The following RNASEH2C variants were observed in gnomAD, a reference collection of about 807,000 sequenced individuals.
RNASEH2C encodes RNase H1 small subunit.
In RNASEH2C, 20 loss-of-function variants were observed where a neutral mutation model predicts 16.3. The observed-to-expected ratio is 1.23, with a 90% CI of 0.86 to 1.79. The LOEUF is 1.79. Among genes scored for constraint, RNASEH2C ranks in the 40% most tolerant of loss-of-function variants. The probability of loss-of-function intolerance (pLI) is 0.00; values close to 1 mark genes in which losing one functional copy is unlikely to be tolerated. For missense variants in RNASEH2C, 296 were observed against 235.9 expected (o/e 1.25, Z -1.67); for synonymous variants, 106 against 98.9 (o/e 1.07, Z -0.43).
rs148186114 is a variant in RNASEH2C at position 65,720,298 on chromosome 11, G to C, written c.292C>G (p.Pro98Ala). Reference sequence around the variant, plus strand: ...TCGTCAGTCCCGGAATCCCGCAAGGGGTCTGGCTTCCCCATCGACACCTTC... The same window carrying C: ...TCGTCAGTCCCGGAATCCCGCAAGGCGTCTGGCTTCCCCATCGACACCTTC... The part of the protein sequence containing the change: ...EKKVSMGKPD[P>A]LRDSGTDDQE... The change falls in exon 2 of 4, where the codon CCC becomes GCC. Residue 98 changes from proline (P) to alanine (A), a missense_variant. Transcript: ENST00000308418. 2.0e-5 allele frequency: 33 copies of C among 1,614,092 alleles called. No homozygotes were observed. Among genetic ancestry groups the C allele is most frequent in the South Asian group, 1.1e-4 (10 of 91,092 alleles).
In RNASEH2C at chr11:65,720,569, T is replaced by G; in HGVS notation, c.172+18A>C. 1.3e-6 allele frequency: 2 copies of G among 1,519,340 alleles called. No homozygotes were observed. Among genetic ancestry groups the G allele is most frequent in the East Asian group, 4.9e-5 (2 of 40,760 alleles). The allele number at this position is 1,519,340 out of a possible 1,614,324, so 94.1% of individuals were successfully genotyped here. On this transcript the variant is annotated intron_variant, in intron 1 of 3. Coordinates refer to ENST00000308418, the MANE Select transcript of RNASEH2C (RefSeq NM_032193.4). ...GCGCGGGGGCTGCCGGGAGCCGTAG[T>G]CCGGCCGCAGGGCTCACCCTCGGGG...
chr11:65,720,237 C>G lies in RNASEH2C; in HGVS notation c.348+5G>C. Reference sequence around the variant, plus strand: ...ACCCCCTTTCAACCCTATCCCTTTGCTCACGAAGTCCCGCTCCAGCGGCTC... The same window carrying G: ...ACCCCCTTTCAACCCTATCCCTTTGGTCACGAAGTCCCGCTCCAGCGGCTC... On this transcript the variant is annotated splice_donor_5th_base_variant and intron_variant, in intron 2 of 3. Transcript: ENST00000308418. 6.2e-7 allele frequency: 1 copy of G among 1,614,248 alleles called. No homozygotes were observed. Among genetic ancestry groups the G allele is most frequent in the Non-Finnish European group, 8.5e-7 (1 of 1,180,038 alleles).
In RNASEH2C at chr11:65,718,713, A is replaced by C. The variant is rs1438165866; in HGVS notation, c.*1070T>G. On this transcript the variant is annotated 3_prime_UTR_variant, in exon 4 of 4. Transcript: ENST00000308418. ...ATCCTGGAGATCCTGATGGGGCTGA[A>C]GTCGGAGAGCGGGGAGAGGCCACAG... 3 of 1,614,030 alleles carry C rather than the reference A, an allele frequency of 1.9e-6. No individual in the cohort carries two copies. The highest frequency in any genetic ancestry group is 2.5e-6 in the Non-Finnish European group (3 of 1,180,022).
rs759651650 is a variant in RNASEH2C, at chr11:65,720,654, C to G, written c.105G>C (p.Glu35Asp). The change falls in exon 1 of 4, where the codon GAG becomes GAC. Residue 35 changes from glutamate (E) to aspartate (D), a missense_variant. Physicochemically the swap from Glu to Asp is conservative, Grantham distance 45 (BLOSUM62 2). Coordinates refer to ENST00000308418, the MANE Select transcript of RNASEH2C (RefSeq NM_032193.4). ...VPATLHLLPC[E>D]VAVDGPAPVG... ...CCGGGGCGGGCCCGTCCACCGCAAC[C>G]TCGCAGGGCAGCAGATGCAGTGTGG... 2 of 1,584,996 alleles carry G rather than the reference C, an allele frequency of 1.3e-6. No individual in the cohort carries two copies. Among genetic ancestry groups the G allele is most frequent in the South Asian group, 2.3e-5 (2 of 87,670 alleles).
chr11:65,718,869 A>G lies in RNASEH2C; in HGVS notation c.*914T>C. The G allele has an allele frequency of 6.2e-7, 1 of 1,614,144 alleles. No homozygotes were observed. The highest frequency in any genetic ancestry group is 8.5e-7 in the Non-Finnish European group (1 of 1,180,000). ...CAGGGAACCTGACCTGTGCTCTCCCACAGTGAGATTAGTGAAATCACCAGC... is the reference window on the plus strand; with the variant it reads ...CAGGGAACCTGACCTGTGCTCTCCCGCAGTGAGATTAGTGAAATCACCAGC... On this transcript the variant is annotated 3_prime_UTR_variant, in exon 4 of 4. Transcript: ENST00000308418.
In RNASEH2C at chr11:65,718,431, C is replaced by T; in HGVS notation, c.*1352G>A. 1.4e-6 allele frequency: 1 copy of T among 722,172 alleles called. No homozygotes were observed. The highest frequency in any genetic ancestry group is 2.5e-5 in the East Asian group (1 of 40,394). 44.7% of individuals were successfully genotyped at this position (722,172 alleles called of 1,614,324 possible). ...GGAAAGAGTGAATACTCAGTTCTTC[C>T]TGAGGGAACTGAGGCACAGAGAAGT... On this transcript the variant is annotated 3_prime_UTR_variant, in exon 4 of 4. Transcript: ENST00000308418.
At chr11:65,719,895 A>G (rs1409302782) in intron 3 of RNASEH2C, 86 bp from the exon 4 acceptor site, 4 of 1,604,524 alleles carry the variant, frequency 2.5e-6, no homozygotes, top group Non-Finnish European at 3.4e-6. Flanking sequence ...CCAGCTGTTC[A>G]GAATAACCGC....
At chr11:65,720,198 C>A (rs146641518) in intron 2 of RNASEH2C, 34 bp from the exon 3 acceptor site, 20 of 1,614,256 alleles carry the variant, frequency 1.2e-5, no homozygotes, top group Non-Finnish European at 1.6e-5. Flanking sequence ...ATCGGGACTA[C>A]AGCTCCCGCC....
At position 65,720,759 on chromosome 11, in the gene RNASEH2C, C is replaced by A. The variant is rs1857363829; in HGVS notation, c.-1G>T. The stretch of plus-strand genomic sequence containing the variant: ...TGGCCGCTTCGTCGCCGCTCTCCAT[C>A]CTCCCTCCTACGCGACGCCAGGGCT... On this transcript the variant is annotated 5_prime_UTR_variant, in exon 1 of 4. Coordinates refer to ENST00000308418, the MANE Select transcript of RNASEH2C (RefSeq NM_032193.4). 11 of 1,588,050 alleles carry A rather than the reference C, an allele frequency of 6.9e-6. No homozygotes were observed. Among genetic ancestry groups the A allele is most frequent in the Non-Finnish European group, 9.4e-6 (11 of 1,173,142 alleles).
Position 65,719,679 on chromosome 11 carries a change from A to T in RNASEH2C, c.*104T>A. The T allele has an allele frequency of 1.6e-6, 2 of 1,276,766 alleles. No homozygotes were observed. Among genetic ancestry groups the T allele is most frequent in the East Asian group, 2.3e-5 (1 of 43,324 alleles). The allele number at this position is 1,276,766 out of a possible 1,614,324, so 79.1% of individuals were successfully genotyped here. On this transcript the variant is annotated 3_prime_UTR_variant, in exon 4 of 4. Coordinates refer to ENST00000308418, the MANE Select transcript of RNASEH2C (RefSeq NM_032193.4). Reference sequence around the variant, plus strand: ...TAGGGGCTCTAAGGCGCCCAGACTCACAGGTGCTGTGAAGAGCTCCTTTAT... The same window carrying T: ...TAGGGGCTCTAAGGCGCCCAGACTCTCAGGTGCTGTGAAGAGCTCCTTTAT...
Position 65,718,265 on chromosome 11 carries a change from A to G in RNASEH2C, c.*1518T>C, listed in dbSNP as rs1857272697. On this transcript the variant is annotated 3_prime_UTR_variant, in exon 4 of 4. Coordinates refer to ENST00000308418, the MANE Select transcript of RNASEH2C (RefSeq NM_032193.4). ...GACACAGAGCCCGGGATGGCAAAGG[A>G]AAATTGGAGGCCCCTTCTTCCCATG... The G allele has an allele frequency of 8.1e-6, 2 of 247,938 alleles. No individual in the cohort carries two copies. Among genetic ancestry groups the G allele is most frequent in the East Asian group, 8.3e-5 (1 of 12,056 alleles). The allele number at this position is 247,938 out of a possible 1,614,324, so 15.4% of individuals were successfully genotyped here.
At chr11:65,719,889 CTG>C in intron 3 of RNASEH2C, 80 bp from the exon 4 acceptor site, 10 of 1,606,386 alleles carry the variant, frequency 6.2e-6, no homozygotes, top group Non-Finnish European at 6.8e-6. Flanking sequence ...AAGGACCCAG[CTG>C]TTCAGAATAA....
Position 65,718,755 on chromosome 11 carries a change from C to T in RNASEH2C, c.*1028G>A, listed in dbSNP as rs768861396. ...AGGCCACAGATCACCATCAAGTGAG[C>T]CTGGCGCTGTCTACCTGGGGGTACA... On this transcript the variant is annotated 3_prime_UTR_variant, in exon 4 of 4. Transcript: ENST00000308418. The T allele has an allele frequency of 3.0e-5, 49 of 1,614,096 alleles. No individual in the cohort carries two copies. Among genetic ancestry groups the T allele is most frequent in the Non-Finnish European group, 4.0e-5 (47 of 1,179,996 alleles).
Position 65,719,808 on chromosome 11 carries a change from A to T in RNASEH2C, c.470T>A (p.Ile157Asn). 1 of 1,614,138 alleles carries T rather than the reference A, an allele frequency of 6.2e-7. No homozygotes were observed. Among genetic ancestry groups the T allele is most frequent in the Non-Finnish European group, 8.5e-7 (1 of 1,180,000 alleles). ...ALTWPSLAAA[I>N]HAQVPED is the part of the protein sequence containing the mutation. ...TCAGTCCTCGGGCACCTGTGCGTGA[A>T]TCTGCAACAGGAGTCGCCTCTACTG... Residue 157 changes from isoleucine (I) to asparagine (N), a missense_variant and splice_region_variant, in exon 4 of 4, where the codon ATT becomes AAT. By Grantham distance (149) the Ile-to-Asn change is moderately radical. Transcript: ENST00000308418.
rs1857350252 is a variant in RNASEH2C at position 65,720,278 on chromosome 11, A to G, written c.312T>C (p.Thr104=). The G allele has an allele frequency of 1.2e-6, 2 of 1,614,226 alleles. No homozygotes were observed. The highest frequency in any genetic ancestry group is 1.7e-6 in the Non-Finnish European group (2 of 1,180,038). The change falls in exon 2 of 4, where the codon ACT becomes ACC. Residue 104 remains threonine, a synonymous_variant. Transcript: ENST00000308418. ...CCAGCGGCTCCTCCTCTTGGTCGTCAGTCCCGGAATCCCGCAAGGGGTCTG... is the reference window on the plus strand; with the variant it reads ...CCAGCGGCTCCTCCTCTTGGTCGTCGGTCCCGGAATCCCGCAAGGGGTCTG... ...GKPDPLRDSG[T]DDQEEEPLER...
chr11:65,719,925 A>G (rs1458426153), intron 3 of RNASEH2C, 116 bp from the exon 4 acceptor site: 1 of 1,603,394 alleles, frequency 6.2e-7, no homozygotes, highest in East Asian at 2.2e-5. Context: ...TGCTAGGAAG[A>G]GTGGTCAGGG....
rs544558074 is a variant in RNASEH2C, at chr11:65,719,343, C to T, written c.*440G>A. The T allele has an allele frequency of 3.4e-6, 3 of 877,988 alleles. No homozygotes were observed. Among genetic ancestry groups the T allele is most frequent in the South Asian group, 1.8e-5 (1 of 56,680 alleles). The allele number at this position is 877,988 out of a possible 1,614,324, so 54.4% of individuals were successfully genotyped here. ...GGCAGGGGCCCACTGGTGCCCAGCA[C>T]CAAGGCGAGCTCCGGGCTCAGACCA... On this transcript the variant is annotated 3_prime_UTR_variant, in exon 4 of 4. Transcript: ENST00000308418.
Position 65,718,841 on chromosome 11 carries a change from C to A in RNASEH2C, c.*942G>T. The A allele has an allele frequency of 6.2e-7, 1 of 1,613,706 alleles. No individual in the cohort carries two copies. The highest frequency in any genetic ancestry group is 1.3e-5 in the African/African-American group (1 of 75,014). ...AGGGCTCCTGGGGACAGATAAAGGTCCTCAGGGAACCTGACCTGTGCTCTC... is the reference window on the plus strand; with the variant it reads ...AGGGCTCCTGGGGACAGATAAAGGTACTCAGGGAACCTGACCTGTGCTCTC... On this transcript the variant is annotated 3_prime_UTR_variant, in exon 4 of 4. Transcript: ENST00000308418.
At position 65,719,360 on chromosome 11, in the gene RNASEH2C, C is replaced by A; in HGVS notation, c.*423G>T. The A allele has an allele frequency of 1.4e-6, 1 of 737,642 alleles. No individual in the cohort carries two copies. The highest frequency in any genetic ancestry group is 2.2e-6 in the Non-Finnish European group (1 of 462,300). 45.7% of individuals were successfully genotyped at this position (737,642 alleles called of 1,614,324 possible). On this transcript the variant is annotated 3_prime_UTR_variant, in exon 4 of 4. Transcript: ENST00000308418. Reference sequence around the variant, plus strand: ...GCCCAGCACCAAGGCGAGCTCCGGGCTCAGACCAACTCCAAGGTCAGCTGG... The same window carrying A: ...GCCCAGCACCAAGGCGAGCTCCGGGATCAGACCAACTCCAAGGTCAGCTGG...
Sources: allele counts gnomAD v4.1 joint callset, GRCh38; gene constraint gnomAD v4.1.1; transcripts MANE v1.5; gene names NCBI Gene and HGNC (gene_info 2026-07-23, HGNC 2026-07-21).